PPP2R5E: variants seen among roughly 807,000 people sequenced by gnomAD.
PPP2R5E encodes the protein serine/threonine-protein phosphatase 2A 56 kDa regulatory subunit epsilon isoform.
In PPP2R5E, 4 loss-of-function variants were observed where a neutral mutation model predicts 65.3. The observed-to-expected ratio is 0.06, with a 90% CI of 0.03 to 0.14. The LOEUF (loss-of-function observed/expected upper bound fraction) is 0.14, where lower values mean the gene tolerates loss of function less well. Among genes scored for constraint, PPP2R5E ranks in the 10% least tolerant of loss-of-function variants. The pLI, the probability that PPP2R5E is intolerant of heterozygous loss-of-function variation, is 1.00. For missense variants in PPP2R5E, 274 were observed against 556.1 expected (o/e 0.49, Z 5.10); for synonymous variants, 183 against 187.4 (o/e 0.98, Z 0.19).
intron 3 of PPP2R5E, among the ~76,000 whole-genome samples, chr14:63,435,594 A>T (rs1156979470): frequency 1.3e-5 from 2 of 151,690 alleles, no homozygotes; most frequent in African/African-American, 2.4e-5. Flanking sequence ...AATCCTTACA[A>T]CTCCCTGCTC....
At chr14:63,384,256 T>TA (rs1884529293) in intron 12 of PPP2R5E, among the ~76,000 whole-genome samples, 188 bp downstream of exon 12, 1 of 152,230 alleles carries the variant, frequency 6.6e-6, no homozygotes, top group Non-Finnish European at 1.5e-5. Context: ...AGTAAACAGA[T>TA]ACTTTAACCG....
Position 63,372,209 on chromosome 14 carries a change from C to A in PPP2R5E, c.*3800G>T, listed in dbSNP as rs527794190. 1 of 152,112 alleles carries A rather than the reference C, an allele frequency of 6.6e-6. No individual in the cohort carries two copies. Among genetic ancestry groups the A allele is most frequent in the Non-Finnish European group, 1.5e-5 (1 of 68,018 alleles). 9.4% of individuals were successfully genotyped at this position (152,112 alleles called of 1,614,324 possible). A position where few individuals can be genotyped will look rare whatever the true frequency, so the allele number is the denominator to read the frequency against. ...GAGATACTACTGCTGCTATCGTGCACAAGAAGCAGCACAAATTAACATTCC... is the reference window on the plus strand; with the variant it reads ...GAGATACTACTGCTGCTATCGTGCAAAAGAAGCAGCACAAATTAACATTCC... On this transcript the variant is annotated 3_prime_UTR_variant, in exon 14 of 14. Transcript: ENST00000337537.
chr14:63,443,044 T>C (rs1888312870), intron 3 of PPP2R5E, among the ~76,000 whole-genome samples: 1 of 152,204 alleles, frequency 6.6e-6, no homozygotes, highest in East Asian at 1.9e-4. Flanking sequence ...CATAATTTTC[T>C]ACAATGTCAT....
chr14:63,483,753 G>C (rs1013333569), intron 2 of PPP2R5E, among the ~76,000 whole-genome samples: 2 of 152,156 alleles, frequency 1.3e-5, no homozygotes, highest in African/African-American at 2.4e-5. Flanking sequence ...GGAAAGAGCA[G>C]AGCCGAGATG....
intron 4 of PPP2R5E, among the ~76,000 whole-genome samples, chr14:63,420,926 G>A (rs906528447): frequency 3.1e-5 from 4 of 128,246 alleles, no homozygotes; most frequent in Admixed American, 1.5e-4. Flanking sequence ...AGTGGCGGGC[G>A]CCTGTAGTCC....
intron 2 of PPP2R5E, among the ~76,000 whole-genome samples, chr14:63,457,557 A>G (rs186603345): frequency 4.8e-4 from 73 of 152,322 alleles, no homozygotes; most frequent in South Asian, 3.3e-3. Context: ...GAATTAGGAA[A>G]ATTAAAGGTC....
intron 5 of PPP2R5E, among the ~76,000 whole-genome samples, chr14:63,413,464 T>C (rs963230998): frequency 1.3e-5 from 2 of 152,178 alleles, no homozygotes; most frequent in Non-Finnish European, 2.9e-5. Flanking sequence ...CACGGCATGA[T>C]GGACAGAAAT....
intron 5 of PPP2R5E, among the ~76,000 whole-genome samples, chr14:63,413,936 T>C (rs1302963339): frequency 6.6e-6 from 1 of 152,146 alleles, no homozygotes. Context: ...CCTAGGGGAA[T>C]AGGGTGTACA....
intron 5 of PPP2R5E, among the ~76,000 whole-genome samples, chr14:63,400,374 A>C (rs1885675824): frequency 6.6e-6 from 1 of 152,194 alleles, no homozygotes. Context: ...AAGGCTTCTA[A>C]AGGAAGAGAC....
At chr14:63,459,448 C>T (rs1364414918) in intron 2 of PPP2R5E, among the ~76,000 whole-genome samples, 1 of 152,132 alleles carries the variant, frequency 6.6e-6, no homozygotes, top group Non-Finnish European at 1.5e-5. Context: ...AACTATAAGC[C>T]TTTATAATAA....
intron 2 of PPP2R5E, among the ~76,000 whole-genome samples, chr14:63,500,519 G>T (rs1215385998): frequency 6.6e-6 from 1 of 152,126 alleles, no homozygotes; most frequent in African/African-American, 2.4e-5. Flanking sequence ...TGGTTAACTG[G>T]TAATGACACA....
chr14:63,424,250 C>G (rs562311878), intron 3 of PPP2R5E, among the ~76,000 whole-genome samples: 1 of 152,008 alleles, frequency 6.6e-6, no homozygotes, highest in Non-Finnish European at 1.5e-5. Context: ...AAGTTTATTT[C>G]TTTACTTGCT....
At chr14:63,465,450 C>CAAAAAAAAAAAAAAAAAAAAAAAAAAA (rs1171345415) in intron 2 of PPP2R5E, among the ~76,000 whole-genome samples, 1 of 47,418 alleles carries the variant, frequency 2.1e-5, no homozygotes, top group African/African-American at 7.7e-5. Context: ...TCCACCTCTA[C>CAAAAAAAAAAAAAAAAAAAAAAAAAAA]AAAAAAAAAA....
chr14:63,384,099 G>T (rs1376245401), intron 12 of PPP2R5E, among the ~76,000 whole-genome samples: 2 of 151,980 alleles, frequency 1.3e-5, no homozygotes, highest in Non-Finnish European at 2.9e-5. Flanking sequence ...GTCTGAAAGG[G>T]CTCTCCCCAT....
In PPP2R5E at chr14:63,373,921, C is replaced by T. The variant is rs532786854; in HGVS notation, c.*2088G>A. On this transcript the variant is annotated 3_prime_UTR_variant, in exon 14 of 14. Coordinates refer to ENST00000337537, the MANE Select transcript of PPP2R5E (RefSeq NM_006246.5). ...TTTGTTACAAATTTATTTTTTATCACATTGTTCCAGCATTTTTAAAGTCAG... is the reference window on the plus strand; with the variant it reads ...TTTGTTACAAATTTATTTTTTATCATATTGTTCCAGCATTTTTAAAGTCAG... The T allele has an allele frequency of 2.0e-5, 3 of 151,238 alleles. No individual in the cohort carries two copies. In the East Asian group the frequency reaches 5.8e-4, roughly 29 times the overall value. The allele number at this position is 151,238 out of a possible 1,614,324, so 9.4% of individuals were successfully genotyped here.
At chr14:63,418,705 C>CTA (rs75064420) in intron 4 of PPP2R5E, among the ~76,000 whole-genome samples, 17,009 of 152,042 alleles carry the variant, frequency 0.11, 1,036 homozygotes, top group African/African-American at 0.16. Context: ...AAACAAGATA[C>CTA]TATTTTGGAT....
chr14:63,524,403 C>A (rs1334482277), intron 2 of PPP2R5E, among the ~76,000 whole-genome samples: 2 of 152,202 alleles, frequency 1.3e-5, no homozygotes, highest in Non-Finnish European at 2.9e-5. Flanking sequence ...ACAGTTTACC[C>A]ACAATGCCTC....
chr14:63,426,100 T>C (rs915473961), intron 3 of PPP2R5E, among the ~76,000 whole-genome samples: 4 of 152,192 alleles, frequency 2.6e-5, no homozygotes, highest in Non-Finnish European at 5.9e-5. Context: ...ATTGGTGAAG[T>C]AGTTCTCTAC....
chr14:63,534,647 G>A (rs1019196390), intron 2 of PPP2R5E, among the ~76,000 whole-genome samples: 2 of 152,112 alleles, frequency 1.3e-5, no homozygotes, highest in East Asian at 3.9e-4. Context: ...TGAGACAAAG[G>A]TCTCACTCTG....
Sources: gnomAD v4.1 joint callset for allele counts (sites outside exome capture counted in the v4.1 genomes callset) on GRCh38, gnomAD v4.1.1 for gene constraint, MANE v1.5 for transcripts, NCBI Gene and HGNC (gene_info 2026-07-23, HGNC 2026-07-21) for gene names.